The following RGS12 variants were observed in gnomAD, a reference collection of about 807,000 sequenced individuals.
RGS12 encodes the protein regulator of G-protein signaling 12.
A neutral mutation model predicts 120.1 loss-of-function variants in RGS12; 66 were observed. The observed-to-expected ratio is 0.55, with a 90% CI of 0.45 to 0.67. The LOEUF (loss-of-function observed/expected upper bound fraction) is 0.67. Ranked by LOEUF, RGS12 falls within the 30% of genes least tolerant of loss-of-function variation. The pLI, the probability that RGS12 is intolerant of heterozygous loss-of-function variation, is 0.00. For synonymous variants in RGS12, 827 were observed against 804.7 expected, an observed-to-expected ratio of 1.03 and a Z score of -0.47; for missense variants, 1,859 against 1,957.7, an observed-to-expected ratio of 0.95 and a Z score of 0.95.
intron 7 of RGS12, 36 bp downstream of exon 7, chr4:3,416,157 G>A: frequency 6.2e-7 from 1 of 1,611,208 alleles, no homozygotes; most frequent in Non-Finnish European, 8.5e-7. Context: ...GGGGAGTCCA[G>A]GCTAGGGCTC....
chr4:3,386,366 G>C, intron 3 of RGS12, 50 bp from the exon 4 acceptor site: 1 of 1,583,638 alleles, frequency 6.3e-7, no homozygotes, highest in Non-Finnish European at 8.7e-7. Flanking sequence ...GTTTCCTGGA[G>C]TTTTGTCATG....
intron 1 of RGS12, among the ~76,000 whole-genome samples, chr4:3,307,245 G>A (rs1197089237): frequency 6.6e-6 from 1 of 152,206 alleles, no homozygotes; most frequent in Non-Finnish European, 1.5e-5. Flanking sequence ...GGCCTTTGCC[G>A]ACGCACCTTG....
intron 16 of RGS12, among the ~76,000 whole-genome samples, chr4:3,429,248 A>T (rs1359163197): frequency 6.6e-6 from 1 of 152,244 alleles, no homozygotes; most frequent in East Asian, 1.9e-4. Context: ...GAAGACTGAG[A>T]TGGAGAGATG....
In RGS12 at chr4:3,314,135, T is replaced by C. The variant is rs115606107; in HGVS notation, c.-101-1935T>C. The C allele has an allele frequency of 2.8e-3, 421 of 152,042 alleles. 2 individuals are homozygous for C. Among genetic ancestry groups the C allele is most frequent in the African/African-American group, 9.9e-3 (410 of 41,542 alleles). The allele number at this position is 152,042 out of a possible 1,614,324, so 9.4% of individuals were successfully genotyped here. A position where few individuals can be genotyped will look rare whatever the true frequency, so the allele number is the denominator to read the frequency against. ...TTATTAATACAGTACTACTTAGATA[T>C]TGAGTAATGTAATTTATATTCATTT... On this transcript the variant is annotated intron_variant, in intron 1 of 17. Coordinates refer to ENST00000336727, the MANE Select transcript of RGS12 (RefSeq NM_001394154.1).
chr4:3,388,709 C>T (rs1719128419), intron 4 of RGS12, among the ~76,000 whole-genome samples: 1 of 152,236 alleles, frequency 6.6e-6, no homozygotes, highest in Admixed American at 6.5e-5. Flanking sequence ...AAGAGGCCCC[C>T]TCCCCCACAC....
upstream of RGS12, among the ~76,000 whole-genome samples, chr4:3,289,064 C>T (rs1410889703): frequency 2.0e-5 from 3 of 152,184 alleles, no homozygotes; most frequent in Non-Finnish European, 4.4e-5. Context: ...GAGGTCCCAC[C>T]TCCCCCTATC....
intron 17 of RGS12, among the ~76,000 whole-genome samples, chr4:3,436,021 A>C (rs748810894): frequency 1.5e-4 from 23 of 150,756 alleles, no homozygotes; most frequent in Non-Finnish European, 2.4e-4. Context: ...GGCGCTGTCC[A>C]CTCCCTCGCC....
At chr4:3,375,485 C>G (rs1717575565) in intron 3 of RGS12, among the ~76,000 whole-genome samples, 1 of 80,724 alleles carries the variant, frequency 1.2e-5, no homozygotes, top group Non-Finnish European at 2.7e-5. Flanking sequence ...CCCTCATCTC[C>G]AGCCTCATCT....
intron 1 of RGS12, among the ~76,000 whole-genome samples, chr4:3,304,736 GA>G (rs572969355): frequency 1.3e-5 from 2 of 152,108 alleles, no homozygotes; most frequent in Non-Finnish European, 2.9e-5. Flanking sequence ...GACCATTTTT[GA>G]AACTACCTGC....
At chr4:3,350,905 CTTA>C (rs1714292439) in intron 3 of RGS12, among the ~76,000 whole-genome samples, 1 of 152,062 alleles carries the variant, frequency 6.6e-6, no homozygotes. Context: ...AAATAAAGAT[CTTA>C]TGGCTTTCAT....
intron 16 of RGS12, among the ~76,000 whole-genome samples, chr4:3,429,131 C>G (rs944943066): frequency 6.6e-6 from 1 of 152,214 alleles, no homozygotes; most frequent in African/African-American, 2.4e-5. Flanking sequence ...GTGGAGCACA[C>G]TGGTCTGGAA....
rs571707461 is a variant in RGS12, at chr4:3,322,363, C to T, written c.1881+4312C>T. Among the ~76,000 whole-genome samples, 20 of 152,242 alleles carry T rather than the reference C, an allele frequency of 1.3e-4. No individual in the cohort carries two copies. The East Asian group carries it at 3.7e-3, about 28-fold the overall frequency. On this transcript the variant is annotated intron_variant, in intron 2 of 17. Coordinates refer to ENST00000336727, the MANE Select transcript of RGS12 (RefSeq NM_001394154.1). Reference sequence around the variant, plus strand: ...TGATGTTTGGAAGTGGACTGCTTTCCCTTTTGTGTAGTTTGCTCTTTGTCT... The same window carrying T: ...TGATGTTTGGAAGTGGACTGCTTTCTCTTTTGTGTAGTTTGCTCTTTGTCT...
intron 1 of RGS12, among the ~76,000 whole-genome samples, chr4:3,311,784 C>T (rs756288851): frequency 6.6e-6 from 1 of 152,162 alleles, no homozygotes; most frequent in Non-Finnish European, 1.5e-5. Flanking sequence ...ACAGATGTTC[C>T]GAATCAGAAA....
In RGS12 at chr4:3,365,356, GGAGGAGGGAGACAGGTGA is replaced by G. The variant is rs1716194455; in HGVS notation, c.1999-21049_1999-21032del. Reference sequence around the variant, plus strand: ...TTGGCCCTTTACAGGGAGTCTGGAGGGAGGAGGGAGACAGGTGAGAGGAGGGAGGGAGGACAGGTCTTG... The same window carrying G: ...TTGGCCCTTTACAGGGAGTCTGGAGGGAGGAGGGAGGGAGGACAGGTCTTG... On this transcript the variant is annotated intron_variant, in intron 3 of 17. Coordinates refer to ENST00000336727, the MANE Select transcript of RGS12 (RefSeq NM_001394154.1). The surrounding 1 kb of genome is among the most constrained non-coding windows in gnomAD (Gnocchi z 4.0). 6.6e-6 allele frequency among the ~76,000 whole-genome samples: 1 copy of G among 152,124 alleles called. No homozygotes were observed.
chr4:3,317,610 C>G lies in RGS12; in HGVS notation c.1440C>G (p.Pro480=). 1.3e-6 allele frequency: 2 copies of G among 1,585,986 alleles called. No homozygotes were observed. The highest frequency in any genetic ancestry group is 1.1e-5 in the South Asian group (1 of 87,514). ...APWTGPFCPD[P]EGSPPFEAAH... Reference sequence around the variant, plus strand: ...GGACTGGGCCCTTCTGTCCGGACCCCGAAGGGAGCCCCCCATTTGAGGCCG... The same window carrying G: ...GGACTGGGCCCTTCTGTCCGGACCCGGAAGGGAGCCCCCCATTTGAGGCCG... Residue 480 remains proline, a synonymous_variant, in exon 2 of 18, where the codon CCC becomes CCG. Coordinates refer to ENST00000336727, the MANE Select transcript of RGS12 (RefSeq NM_001394154.1).
chr4:3,369,115 A>G (rs892560721), intron 3 of RGS12, among the ~76,000 whole-genome samples: 1 of 152,166 alleles, frequency 6.6e-6, no homozygotes, highest in Non-Finnish European at 1.5e-5. Flanking sequence ...GCAGCTGTGC[A>G]GAGGGAGGTG....
intron 3 of RGS12, among the ~76,000 whole-genome samples, chr4:3,369,495 C>T (rs1716742969): frequency 6.6e-6 from 1 of 152,152 alleles, no homozygotes; most frequent in African/African-American, 2.4e-5. Context: ...AAGAAGCTTC[C>T]CCAGGTCTAA....
intron 1 of RGS12, among the ~76,000 whole-genome samples, chr4:3,309,819 C>T (rs1724245196): frequency 7.7e-6 from 1 of 130,302 alleles, no homozygotes; most frequent in Non-Finnish European, 1.6e-5. Context: ...GGAGCTGGGA[C>T]TTGGGAATGG....
rs1719351398 is a variant in RGS12, at chr4:3,390,311, C to T, written c.2020+3874C>T. On this transcript the variant is annotated intron_variant, in intron 4 of 17. Coordinates refer to ENST00000336727, the MANE Select transcript of RGS12 (RefSeq NM_001394154.1). The surrounding 1 kb of genome is among the most constrained non-coding windows in gnomAD (Gnocchi z 4.6). The stretch of plus-strand genomic sequence containing the variant: ...TCATCTGTGTTGGTGCTTTTGTCCC[C>T]CCAGCTGGTGTGACCTCCACGTGGC... Among the ~76,000 whole-genome samples the T allele has an allele frequency of 6.6e-6, 1 of 152,162 alleles. No homozygotes were observed. The highest frequency in any genetic ancestry group is 1.5e-5 in the Non-Finnish European group (1 of 68,038).
Sources: allele counts gnomAD v4.1 joint callset (sites outside exome capture counted in the v4.1 genomes callset), GRCh38; gene constraint gnomAD v4.1.1; non-coding constraint Gnocchi (gnomAD v3.1); transcripts MANE v1.5; gene names NCBI Gene and HGNC (gene_info 2026-07-23, HGNC 2026-07-21).